The following COL5A2 variants were observed in gnomAD, a reference collection of about 807,000 sequenced individuals.
COL5A2 encodes collagen alpha-2(V) chain.
COL5A2 carries 23 observed loss-of-function variants against 208.2 expected under a neutral mutation model. That is an observed-to-expected ratio of 0.11 (90% CI 0.08 to 0.16). COL5A2 has a LOEUF of 0.16. Ranked by LOEUF, COL5A2 falls within the 10% of genes least tolerant of loss-of-function variation. The pLI is 1.00. For synonymous variants in COL5A2, 625 were observed against 628.5 expected, an observed-to-expected ratio of 0.99 and a Z score of 0.08; for missense variants, 1,590 against 1,956.4, an observed-to-expected ratio of 0.81 and a Z score of 3.53.
chr2:189,256,261 A>C, the COL5A2 span, among the ~76,000 whole-genome samples: 1 of 152,208 alleles, frequency 6.6e-6, no homozygotes, highest in Non-Finnish European at 1.5e-5. Context: ...CTTTGAAAAC[A>C]CATCAAACAG....
At chr2:189,053,621 T>A in intron 37 of COL5A2, 144 bp from the exon 38 acceptor site, 1 of 818,916 alleles carries the variant, frequency 1.2e-6, no homozygotes, top group Non-Finnish European at 2.0e-6. Flanking sequence ...TCCTTAAGGA[T>A]TATATAAAGA....
the COL5A2 span, among the ~76,000 whole-genome samples, chr2:189,328,113 C>T: frequency 3.9e-5 from 6 of 152,114 alleles, no homozygotes; most frequent in Admixed American, 3.3e-4. Context: ...GTGCCTTATC[C>T]AACAAAGCTG....
Position 189,059,585 on chromosome 2 carries a change from GTTTTTTTTTTTTT to G in COL5A2, c.2086-705_2086-693del, listed in dbSNP as rs71020980. On this transcript the variant is annotated intron_variant, in intron 31 of 53. Coordinates refer to ENST00000374866, the MANE Select transcript of COL5A2 (RefSeq NM_000393.5). The stretch of plus-strand genomic sequence containing the variant: ...AAAAACCCTTCTTTTTTCTTTTCTG[GTTTTTTTTTTTTT>G]TTTTTTTTTTTTTGAGACGTTGTCT... Among the ~76,000 whole-genome samples the G allele has an allele frequency of 1.7e-4, 5 of 28,642 alleles. 1 individual carries two copies. Among genetic ancestry groups the G allele is most frequent in the South Asian group, 4.5e-3 (2 of 446 alleles). 18.8% of individuals were successfully genotyped at this position (28,642 alleles called of 152,430 possible).
intron 2 of COL5A2, among the ~76,000 whole-genome samples, chr2:189,106,814 C>T (rs1442294489): frequency 6.6e-6 from 1 of 151,262 alleles, no homozygotes; most frequent in Non-Finnish European, 1.5e-5. Context: ...TTGTCAAATA[C>T]TTTTACTTTA....
intron 1 of COL5A2, among the ~76,000 whole-genome samples, chr2:189,148,781 G>T (rs1688088921): frequency 6.6e-6 from 1 of 152,074 alleles, no homozygotes; most frequent in African/African-American, 2.4e-5. Context: ...ACCAAAAATG[G>T]AAATTCCCAA....
At chr2:189,050,127 T>G (rs1685752525) in intron 43 of COL5A2, among the ~76,000 whole-genome samples, 1 of 152,210 alleles carries the variant, frequency 6.6e-6, no homozygotes, top group African/African-American at 2.4e-5. Context: ...TTCAGATCCT[T>G]CTTCAGCATT....
chr2:189,160,913 C>T (rs771086961), intron 1 of COL5A2, among the ~76,000 whole-genome samples: 5 of 147,932 alleles, frequency 3.4e-5, no homozygotes, highest in Non-Finnish European at 7.4e-5. Flanking sequence ...TTGCTGCAAC[C>T]TCTGCCTCCC....
intron 7 of COL5A2, among the ~76,000 whole-genome samples, chr2:189,091,846 A>C (rs1252227765): frequency 6.6e-6 from 1 of 152,176 alleles, no homozygotes; most frequent in African/African-American, 2.4e-5. Flanking sequence ...AAGTAAAAAA[A>C]CTAAAATTGA....
intron 17 of COL5A2, among the ~76,000 whole-genome samples, chr2:189,073,804 T>C (rs1434860677): frequency 1.3e-5 from 2 of 152,176 alleles, no homozygotes; most frequent in Non-Finnish European, 2.9e-5. Context: ...AAAATAACTT[T>C]ATGTCTTGAA....
the COL5A2 span, among the ~76,000 whole-genome samples, chr2:189,328,699 A>G: frequency 6.6e-6 from 1 of 152,152 alleles, no homozygotes; most frequent in African/African-American, 2.4e-5. Flanking sequence ...CCCCACTGCT[A>G]TAATAAAGTC....
intron 24 of COL5A2, 74 bp from the exon 25 acceptor site, chr2:189,064,729 G>A (rs941852723): frequency 3.4e-5 from 38 of 1,113,516 alleles, no homozygotes; most frequent in Middle Eastern, 4.0e-4. Context: ...TAAAATTATC[G>A]TTTTACAAAT....
chr2:189,199,085 T>C (rs1689041003), intron 1 of COL5A2, among the ~76,000 whole-genome samples: 1 of 152,202 alleles, frequency 6.6e-6, no homozygotes, highest in Non-Finnish European at 1.5e-5. Context: ...TATGATTATG[T>C]TTATCACCTC....
the COL5A2 span, among the ~76,000 whole-genome samples, chr2:189,412,644 T>A: frequency 6.6e-6 from 1 of 152,182 alleles, no homozygotes; most frequent in Non-Finnish European, 1.5e-5. Context: ...ATCTCTAGTA[T>A]GAAAATACCA....
chr2:189,124,728 T>C (rs989408529), intron 1 of COL5A2, among the ~76,000 whole-genome samples: 1 of 151,496 alleles, frequency 6.6e-6, no homozygotes, highest in African/African-American at 2.4e-5. Flanking sequence ...CTTAACTGTG[T>C]TTTCTTTTTT....
At chr2:189,039,855 C>T (rs968329277) in intron 50 of COL5A2, among the ~76,000 whole-genome samples, 3 of 152,010 alleles carry the variant, frequency 2.0e-5, no homozygotes, top group African/African-American at 7.3e-5. Flanking sequence ...GAAGATACAA[C>T]ATATTTTATG....
Position 189,156,253 on chromosome 2 carries a change from G to A in COL5A2, c.97+23255C>T, listed in dbSNP as rs77819322. ...ATTCACACCCTGCAGTAGAATTCAA[G>A]TTCCATGAAGCTCAGAGACTTGTTC... On this transcript the variant is annotated intron_variant, in intron 1 of 53. Coordinates refer to ENST00000374866, the MANE Select transcript of COL5A2 (RefSeq NM_000393.5). Among the ~76,000 whole-genome samples the A allele has an allele frequency of 3.1e-3, 477 of 152,142 alleles. 1 individual carries two copies. The highest frequency in any genetic ancestry group is 7.5e-3 in the South Asian group (36 of 4,810).
intron 6 of COL5A2, among the ~76,000 whole-genome samples, chr2:189,092,959 A>G (rs1403376413): frequency 6.6e-6 from 1 of 152,216 alleles, no homozygotes; most frequent in African/African-American, 2.4e-5. Flanking sequence ...CACTCAATAC[A>G]TGCATATTAT....
the COL5A2 span, among the ~76,000 whole-genome samples, chr2:189,419,819 A>C: frequency 1.3e-5 from 2 of 151,044 alleles, no homozygotes; most frequent in African/African-American, 4.9e-5. Flanking sequence ...AAAGAAAAGA[A>C]AAGAGAGGAG....
chr2:189,176,308 G>C (rs1035442976), intron 1 of COL5A2, among the ~76,000 whole-genome samples: 2 of 152,152 alleles, frequency 1.3e-5, no homozygotes, highest in Admixed American at 1.3e-4. Context: ...TTCTGAAAAT[G>C]TTAATTCTGA....
Sources: gnomAD v4.1 joint callset for allele counts (sites outside exome capture counted in the v4.1 genomes callset) on GRCh38, gnomAD v4.1.1 for gene constraint, MANE v1.5 for transcripts, NCBI Gene and HGNC (gene_info 2026-07-23, HGNC 2026-07-21) for gene names.